MNDA: variants seen among roughly 807,000 people sequenced by gnomAD.
MNDA encodes myeloid cell nuclear differentiation antigen.
In MNDA, 43 loss-of-function variants were observed where a neutral mutation model predicts 37.8. That is an observed-to-expected ratio of 1.14 (90% CI 0.89 to 1.47). MNDA has a LOEUF of 1.47. MNDA is among the 40% of genes most tolerant of loss of function. MNDA has a pLI of 0.00. For synonymous variants in MNDA, 181 were observed against 169.0 expected, an observed-to-expected ratio of 1.07 and a Z score of -0.55; for missense variants, 536 against 476.0, an observed-to-expected ratio of 1.13 and a Z score of -1.17.
Position 158,844,071 on chromosome 1 carries a change from C to A in MNDA, c.519C>A (p.Pro173=). The change falls in exon 4 of 7, where the codon CCC becomes CCA. Residue 173 remains proline (P), a synonymous_variant. Coordinates refer to ENST00000368141, the MANE Select transcript of MNDA (RefSeq NM_002432.3). The part of the protein sequence containing the change: ...GASTSAAVDH[P]PLPQTSSSTP... ...GCACATCTGCAGCTGTGGATCATCC[C>A]CCACTACCCCAGACCTCATCATCAA... The A allele has an allele frequency of 1.2e-6, 2 of 1,613,082 alleles. No homozygotes were observed. The highest frequency in any genetic ancestry group is 1.7e-6 in the Non-Finnish European group (2 of 1,179,618).
chr1:158,837,863 C>T (rs1386610577), intron 1 of MNDA, among the ~76,000 whole-genome samples: 1 of 149,178 alleles, frequency 6.7e-6, no homozygotes, highest in Non-Finnish European at 1.5e-5. Flanking sequence ...TCTTCTATTC[C>T]TTTGTGTACA....
chr1:158,833,230 A>G (rs1658839476), intron 1 of MNDA, among the ~76,000 whole-genome samples: 1 of 152,196 alleles, frequency 6.6e-6, no homozygotes, highest in Non-Finnish European at 1.5e-5. Flanking sequence ...ATTTCTTTTC[A>G]TAATGAGTAG....
At chr1:158,847,688 A>G (rs772635601) in intron 5 of MNDA, 40 bp from the exon 6 acceptor site, 9 of 1,573,190 alleles carry the variant, frequency 5.7e-6, no homozygotes, top group Admixed American at 1.7e-5. Flanking sequence ...TATGATACTA[A>G]CAATCCTCTC....
At position 158,832,050 on chromosome 1, in the gene MNDA, T is replaced by C. The variant is rs1479641564; in HGVS notation, c.-21+493T>C. On this transcript the variant is annotated intron_variant, in intron 1 of 6. Transcript: ENST00000368141. ...TACAAGCATTTACTCAAAAATAATC[T>C]TTACATTTTCATGAATCAGTTTCAT... 1.8e-4 allele frequency among the ~76,000 whole-genome samples: 28 copies of C among 152,182 alleles called. 1 individual carries two copies. Among genetic ancestry groups the C allele is most frequent in the Admixed American group, 1.8e-3 (28 of 15,286 alleles).
At chr1:158,836,557 T>C (rs1479135576) in intron 1 of MNDA, among the ~76,000 whole-genome samples, 4 of 151,988 alleles carry the variant, frequency 2.6e-5, no homozygotes, top group African/African-American at 9.7e-5. Context: ...TTCTGTGAAA[T>C]CTGTTGTAAT....
At chr1:158,836,339 T>C (rs1658915189) in intron 1 of MNDA, among the ~76,000 whole-genome samples, 2 of 152,008 alleles carry the variant, frequency 1.3e-5, no homozygotes, top group Non-Finnish European at 2.9e-5. Context: ...AATTTACCAG[T>C]AAAACCACTT....
chr1:158,844,678 T>C (rs1659097551), intron 4 of MNDA, among the ~76,000 whole-genome samples: 1 of 151,934 alleles, frequency 6.6e-6, no homozygotes, highest in African/African-American at 2.4e-5. Flanking sequence ...GTAAAAGCAC[T>C]GTTTCTTGGG....
At chr1:158,841,505 TAGG>T (rs1227644165) in intron 1 of MNDA, among the ~76,000 whole-genome samples, 3 of 152,038 alleles carry the variant, frequency 2.0e-5, no homozygotes, top group African/African-American at 4.8e-5. Context: ...AGAGAGCAGA[TAGG>T]AGGATGGCAA....
At chr1:158,836,618 C>T (rs1327242186) in intron 1 of MNDA, among the ~76,000 whole-genome samples, 3 of 151,646 alleles carry the variant, frequency 2.0e-5, no homozygotes, top group African/African-American at 7.2e-5. Context: ...TCTTTTTCTT[C>T]TATGTCAATT....
chr1:158,838,712 T>C (rs1658969717), intron 1 of MNDA, among the ~76,000 whole-genome samples: 1 of 152,256 alleles, frequency 6.6e-6, no homozygotes, highest in South Asian at 2.1e-4. Context: ...CAGACTTACA[T>C]AATGCATATA....
At position 158,842,334 on chromosome 1, in the gene MNDA, T is replaced by C. The variant is rs774869058; in HGVS notation, c.181T>C (p.Cys61Arg). Residue 61 changes from cysteine to arginine, a missense_variant, in exon 2 of 7, where the codon TGT (cysteine) becomes CGT (arginine). Cys to Arg is a radical substitution (Grantham distance 180, BLOSUM62 -3). Transcript: ENST00000368141. The part of the protein sequence containing the change: ...LMEKKFQGVA[C>R]LDKLIELAKD... The stretch of plus-strand genomic sequence containing the variant: ...GGAAAAAAAGTTCCAAGGCGTTGCC[T>C]GTCTAGACAAACTAATAGAACTTGC... The C allele has an allele frequency of 1.9e-6, 3 of 1,614,180 alleles. No individual in the cohort carries two copies. Among genetic ancestry groups the C allele is most frequent in the Non-Finnish European group, 2.5e-6 (3 of 1,180,010 alleles).
At chr1:158,846,211 T>C (rs1225578229) in intron 5 of MNDA, among the ~76,000 whole-genome samples, 1 of 152,162 alleles carries the variant, frequency 6.6e-6, no homozygotes, top group East Asian at 1.9e-4. Context: ...GAAAAAAAGT[T>C]AGTAAGAAAT....
intron 1 of MNDA, among the ~76,000 whole-genome samples, chr1:158,834,231 A>ATT (rs58502272): frequency 0.25 from 32,299 of 130,114 alleles, 4,586 homozygotes; most frequent in Admixed American, 0.31. Flanking sequence ...TCCTTTATCA[A>ATT]TTTTTTTTTT....
At chr1:158,833,725 C>T (rs1571649679) in intron 1 of MNDA, among the ~76,000 whole-genome samples, 2 of 152,028 alleles carry the variant, frequency 1.3e-5, no homozygotes, top group African/African-American at 4.8e-5. Flanking sequence ...ACGTAAGAAA[C>T]CATATTTCTT....
intron 5 of MNDA, 73 bp from the exon 6 acceptor site, chr1:158,847,655 G>A (rs1475057169): frequency 9.8e-6 from 14 of 1,428,100 alleles, no homozygotes; most frequent in African/African-American, 7.1e-5. Flanking sequence ...CATTAACTTT[G>A]TCATGAGACT....
rs1430330595 is a variant in MNDA, at chr1:158,848,025, A to G, written c.1176+109A>G. ...ATTACTCAGAGAGTCCAGCGAGTGG[A>G]AGGAGAACCTAAACAATGCCCTTGC... is the stretch of plus-strand genomic sequence containing the variant. On this transcript the variant is annotated intron_variant, in intron 6 of 6. Coordinates refer to ENST00000368141, the MANE Select transcript of MNDA (RefSeq NM_002432.3). 11 of 981,668 alleles carry G rather than the reference A, an allele frequency of 1.1e-5. No individual in the cohort carries two copies. The East Asian group carries it at 2.7e-4, about 24-fold the overall frequency. 60.8% of individuals were successfully genotyped at this position (981,668 alleles called of 1,614,324 possible). A position where few individuals can be genotyped will look rare whatever the true frequency, so the allele number is the denominator to read the frequency against.
chr1:158,839,616 G>T (rs1417778626), intron 1 of MNDA, among the ~76,000 whole-genome samples: 1 of 152,172 alleles, frequency 6.6e-6, no homozygotes, highest in Non-Finnish European at 1.5e-5. Context: ...TTGCAAAGCA[G>T]TTCCACACTT....
intron 5 of MNDA, among the ~76,000 whole-genome samples, chr1:158,847,388 T>C (rs1659154942): frequency 6.6e-6 from 1 of 152,188 alleles, no homozygotes; most frequent in Non-Finnish European, 1.5e-5. Context: ...CATACATTTG[T>C]TTTTCCACAG....
Position 158,838,186 on chromosome 1 carries a change from A to G in MNDA, c.-20-3948A>G, listed in dbSNP as rs573376169. On this transcript the variant is annotated intron_variant, in intron 1 of 6. Coordinates refer to ENST00000368141, the MANE Select transcript of MNDA (RefSeq NM_002432.3). ...TACTTACCTTTCATCAAGAACTTAC[A>G]TTTTTGTATGAGTTTGAGTTACCAT... 3.7e-4 allele frequency among the ~76,000 whole-genome samples: 57 copies of G among 152,040 alleles called. 1 individual carries two copies. The South Asian group carries it at 0.011, about 30-fold the overall frequency.
Sources: allele counts gnomAD v4.1 joint callset (sites outside exome capture counted in the v4.1 genomes callset), GRCh38; gene constraint gnomAD v4.1.1; transcripts MANE v1.5; gene names NCBI Gene and HGNC (gene_info 2026-07-23, HGNC 2026-07-21).